WDR64: variants seen among roughly 807,000 people sequenced by gnomAD.
WDR64 encodes the protein WD repeat domain 64.
A neutral mutation model predicts 139.3 loss-of-function variants in WDR64; 112 were observed. The observed-to-expected ratio is 0.80, with a 90% CI of 0.69 to 0.94. The LOEUF is 0.94. Among genes scored for constraint, WDR64 ranks in the 40% least tolerant of loss-of-function variants. The pLI is 0.00. For synonymous variants in WDR64, 444 were observed against 437.7 expected (o/e 1.01, Z -0.18); for missense variants, 1,206 against 1,293.1 (o/e 0.93, Z 1.03).
chr1:241,736,243 T>C (rs1423546562), intron 10 of WDR64, among the ~76,000 whole-genome samples: 1 of 152,158 alleles, frequency 6.6e-6, no homozygotes. Flanking sequence ...GCTTTATGCT[T>C]CTCTCTTGTT....
At chr1:241,693,596 G>A (rs1667382690) in intron 8 of WDR64, among the ~76,000 whole-genome samples, 1 of 152,170 alleles carries the variant, frequency 6.6e-6, no homozygotes, top group African/African-American at 2.4e-5. Flanking sequence ...TAGCACTGTG[G>A]TGTGGGATTT....
intron 9 of WDR64, among the ~76,000 whole-genome samples, chr1:241,713,400 A>G (rs1668262270): frequency 1.8e-5 from 2 of 113,932 alleles, no homozygotes; most frequent in South Asian, 3.6e-4. Context: ...GAAGGAAGGG[A>G]GGGAGGGAGG....
chr1:241,754,032 T>C (rs1339997603), intron 14 of WDR64, among the ~76,000 whole-genome samples: 2 of 151,384 alleles, frequency 1.3e-5, no homozygotes, highest in South Asian at 2.1e-4. Flanking sequence ...CCAGGATATA[T>C]AAAGAAACCC....
intron 1 of WDR64, among the ~76,000 whole-genome samples, chr1:241,653,530 T>G (rs907958502): frequency 6.0e-5 from 7 of 115,830 alleles, no homozygotes; most frequent in African/African-American, 2.0e-4. Context: ...CCCAAATTCT[T>G]TTCTTTTCTT....
chr1:241,773,709 G>A (rs12760448), intron 20 of WDR64, among the ~76,000 whole-genome samples: 1 of 151,890 alleles, frequency 6.6e-6, no homozygotes, highest in Non-Finnish European at 1.5e-5. Context: ...CTCGTGATCC[G>A]CCAGCCTCGG....
At chr1:241,738,261 A>C in intron 10 of WDR64, 102 bp from the exon 11 acceptor site, 1 of 1,357,966 alleles carries the variant, frequency 7.4e-7, no homozygotes, top group Non-Finnish European at 9.9e-7. Flanking sequence ...CTTTGGTATA[A>C]GTTTATAAGA....
intron 8 of WDR64, among the ~76,000 whole-genome samples, chr1:241,691,178 T>C (rs982222352): frequency 6.6e-6 from 1 of 151,322 alleles, no homozygotes; most frequent in Non-Finnish European, 1.5e-5. Context: ...TCTAAGAAAA[T>C]AGAGAAAATG....
At chr1:241,787,549 C>T (rs1462470486) in intron 23 of WDR64, among the ~76,000 whole-genome samples, 3 of 151,408 alleles carry the variant, frequency 2.0e-5, no homozygotes, top group Admixed American at 2.0e-4. Context: ...TCTGTAATCT[C>T]AGCTACTCGG....
At chr1:241,679,374 A>T in intron 5 of WDR64, 111 bp from the exon 6 acceptor site, 1 of 849,982 alleles carries the variant, frequency 1.2e-6, no homozygotes, top group Non-Finnish European at 1.9e-6. Context: ...GCTTCTCTGT[A>T]ATAAGGCAGC....
chr1:241,682,150 T>C (rs1666823773), intron 6 of WDR64, among the ~76,000 whole-genome samples: 1 of 152,216 alleles, frequency 6.6e-6, no homozygotes, highest in African/African-American at 2.4e-5. Context: ...GCTATTTATC[T>C]TTCTTTTTAT....
intron 1 of WDR64, among the ~76,000 whole-genome samples, chr1:241,653,893 A>T (rs561605087): frequency 5.8e-4 from 89 of 152,200 alleles, no homozygotes; most frequent in African/African-American, 1.7e-3. Flanking sequence ...GACCTTTTGG[A>T]TATGCTTTTT....
At chr1:241,707,841 T>C (rs1668011097) in intron 8 of WDR64, among the ~76,000 whole-genome samples, 1 of 152,226 alleles carries the variant, frequency 6.6e-6, no homozygotes, top group South Asian at 2.1e-4. Flanking sequence ...ATTTCATAAG[T>C]GGAGACACTG....
In WDR64 at chr1:241,703,046, AC is replaced by A. The variant is rs1471934482; in HGVS notation, c.975-8755del. 6.6e-6 allele frequency among the ~76,000 whole-genome samples: 1 copy of A among 152,176 alleles called. No homozygotes were observed. Among genetic ancestry groups the A allele is most frequent in the East Asian group, 1.9e-4 (1 of 5,200 alleles). On this transcript the variant is annotated intron_variant, in intron 8 of 27. Coordinates refer to ENST00000437684, the MANE Select transcript of WDR64 (RefSeq NM_001367482.1). The surrounding 1 kb of genome is among the most constrained non-coding windows in gnomAD (Gnocchi z 5.9). ...GAGGCAGTAATACAGAGTTAGGGCC[AC>A]TTTTTAAAAATGCCTTACCTGAGGC...
chr1:241,723,791 A>C (rs539660121), intron 10 of WDR64, among the ~76,000 whole-genome samples: 11 of 58,760 alleles, frequency 1.9e-4, no homozygotes, highest in African/African-American at 6.5e-4. Flanking sequence ...CAATGTAATA[A>C]AACAAAAAAA....
At chr1:241,655,587 C>T (rs1025917681) in intron 1 of WDR64, among the ~76,000 whole-genome samples, 1 of 152,182 alleles carries the variant, frequency 6.6e-6, no homozygotes, top group Non-Finnish European at 1.5e-5. Context: ...CAACTCCTGG[C>T]ATTTCCCTTC....
rs1021293729 is a variant in WDR64, at chr1:241,679,045, C to A, written c.514-440C>A. Among the ~76,000 whole-genome samples, 9 of 152,064 alleles carry A rather than the reference C, an allele frequency of 5.9e-5. 1 individual carries two copies. The highest frequency in any genetic ancestry group is 2.6e-4 in the Admixed American group (4 of 15,256). ...CAGCTTGGTGTCTTTAGGTAGGACACAAGAAATTCTCCTTGGGCTCCACTT... is the reference window on the plus strand; with the variant it reads ...CAGCTTGGTGTCTTTAGGTAGGACAAAAGAAATTCTCCTTGGGCTCCACTT... On this transcript the variant is annotated intron_variant, in intron 5 of 27. Coordinates refer to ENST00000437684, the MANE Select transcript of WDR64 (RefSeq NM_001367482.1).
chr1:241,762,196 CTGCAGAAGGAA>C (rs1182068267), intron 15 of WDR64, among the ~76,000 whole-genome samples: 2 of 146,724 alleles, frequency 1.4e-5, no homozygotes, highest in Non-Finnish European at 3.0e-5. Context: ...GATCCACGGG[CTGCAGAAGGAA>C]TACTGTATTC....
chr1:241,760,759 A>ATT (rs71174847), intron 15 of WDR64, among the ~76,000 whole-genome samples: 1,368 of 87,086 alleles, frequency 0.016, no homozygotes, highest in African/African-American at 0.021. Flanking sequence ...GTGGGTTTCC[A>ATT]TTTTTTTTTT....
chr1:241,777,934 G>C (rs1658719524), intron 21 of WDR64, among the ~76,000 whole-genome samples: 1 of 152,116 alleles, frequency 6.6e-6, no homozygotes, highest in African/African-American at 2.4e-5. Flanking sequence ...CCCAGAACAT[G>C]ATCTATCTTG....
Sources: gnomAD v4.1 joint callset for allele counts (sites outside exome capture counted in the v4.1 genomes callset) on GRCh38, gnomAD v4.1.1 for gene constraint, Gnocchi (gnomAD v3.1) non-coding constraint, MANE v1.5 for transcripts, NCBI Gene and HGNC (gene_info 2026-07-23, HGNC 2026-07-21) for gene names.